The following CDC42BPA variants were observed in gnomAD, a reference collection of about 807,000 sequenced individuals.
CDC42BPA encodes the protein CDC42 binding protein kinase alpha.
Under a neutral mutation model 223.5 loss-of-function variants are expected in CDC42BPA, and 80 were observed. The observed-to-expected ratio is 0.36, with a 90% confidence interval of 0.30 to 0.43. The LOEUF (loss-of-function observed/expected upper bound fraction) is 0.43, where lower values mean the gene tolerates loss of function less well. Among genes scored for constraint, CDC42BPA ranks in the 20% least tolerant of loss-of-function variants. CDC42BPA has a pLI of 1.00. For synonymous variants in CDC42BPA, 694 were observed against 718.6 expected (o/e 0.97, Z 0.55); for missense variants, 1,743 against 2,099.9 (o/e 0.83, Z 3.32).
At chr1:227,021,457 C>A (rs1431280307) in intron 32 of CDC42BPA, among the ~76,000 whole-genome samples, 1 of 152,120 alleles carries the variant, frequency 6.6e-6, no homozygotes, top group Non-Finnish European at 1.5e-5. Context: ...TTTCTTAAGT[C>A]ATAATGGAGT....
intron 5 of CDC42BPA, among the ~76,000 whole-genome samples, chr1:227,187,171 C>T (rs10753430): frequency 0.51 from 77,941 of 151,914 alleles, 20,085 homozygotes; most frequent in South Asian, 0.61. Context: ...ATACTAAAAA[C>T]GGGACAGAGA....
At chr1:227,196,495 A>T (rs1205008454) in intron 4 of CDC42BPA, among the ~76,000 whole-genome samples, 2 of 151,150 alleles carry the variant, frequency 1.3e-5, no homozygotes, top group Non-Finnish European at 2.9e-5. Context: ...GCCCACCACC[A>T]CACCCGGCTA....
intron 1 of CDC42BPA, among the ~76,000 whole-genome samples, chr1:227,299,455 T>C (rs1020851595): frequency 6.6e-6 from 1 of 152,118 alleles, no homozygotes; most frequent in Non-Finnish European, 1.5e-5. Context: ...GGTTTACATG[T>C]TTTTTAGTAA....
chr1:227,093,648 G>C (rs1683477904), intron 15 of CDC42BPA, among the ~76,000 whole-genome samples: 1 of 152,150 alleles, frequency 6.6e-6, no homozygotes, highest in Non-Finnish European at 1.5e-5. Context: ...CTGCAAACCA[G>C]TGAGAACTCC....
chr1:227,190,010 A>T (rs1241520391), intron 5 of CDC42BPA, among the ~76,000 whole-genome samples: 6 of 152,234 alleles, frequency 3.9e-5, no homozygotes, highest in Admixed American at 6.5e-5. Context: ...AGTCTGTGAC[A>T]TTCAAGAGTT....
At chr1:227,203,168 T>C (rs1243611639) in intron 3 of CDC42BPA, among the ~76,000 whole-genome samples, 1 of 152,158 alleles carries the variant, frequency 6.6e-6, no homozygotes, top group African/African-American at 2.4e-5. Context: ...CCAGACAGCA[T>C]ATGATTTTAT....
At chr1:227,026,442 C>T (rs532679145) in intron 30 of CDC42BPA, among the ~76,000 whole-genome samples, 1 of 152,224 alleles carries the variant, frequency 6.6e-6, no homozygotes, top group East Asian at 1.9e-4. Context: ...AAAGGAATTT[C>T]ATTATATTTG....
At position 227,193,879 on chromosome 1, in the gene CDC42BPA, A is replaced by G. The variant is rs1395207685; in HGVS notation, c.506T>C (p.Phe169Ser). The G allele has an allele frequency of 6.2e-7, 1 of 1,613,488 alleles. No individual in the cohort carries two copies. The highest frequency in any genetic ancestry group is 2.2e-5 in the East Asian group (1 of 44,830). Residue 169 changes from phenylalanine (F) to serine (S), a missense_variant, in exon 5 of 37, where the codon TTT (phenylalanine) becomes TCT (serine). By Grantham distance (155) the Phe-to-Ser change is radical. Coordinates refer to ENST00000366766, the MANE Select transcript of CDC42BPA (RefSeq NM_001394014.1). ...CATATCTTCAGGCAATCTATCTTCA[A>G]ATTTGCTGAGTAGAGTAAGCAAATC... is the stretch of plus-strand genomic sequence containing the variant. The part of the protein sequence containing the change: ...GGDLLTLLSK[F>S]EDRLPEDMAR...
At chr1:227,157,955 C>CTTTTTTTTTTTTTTTTT (rs59212512) in intron 6 of CDC42BPA, among the ~76,000 whole-genome samples, 1 of 144,962 alleles carries the variant, frequency 6.9e-6, no homozygotes. Flanking sequence ...ATTTTTATAA[C>CTTTTTTTTTTTTTTTTT]TTTTTTTTTT....
At chr1:227,292,999 G>A (rs541426746) in intron 1 of CDC42BPA, among the ~76,000 whole-genome samples, 1 of 152,138 alleles carries the variant, frequency 6.6e-6, no homozygotes, top group East Asian at 1.9e-4. Context: ...ATCTAAAGTT[G>A]GAGTTTTAGA....
At chr1:227,034,506 T>C in intron 26 of CDC42BPA, 149 bp downstream of exon 26, 2 of 719,386 alleles carry the variant, frequency 2.8e-6, no homozygotes, top group Non-Finnish European at 2.2e-6. Flanking sequence ...CTTCCTATTT[T>C]CAATTCTGTT....
chr1:227,286,485 G>A lies in CDC42BPA; in HGVS notation c.178+30520C>T, dbSNP rs183323184. Among the ~76,000 whole-genome samples the A allele has an allele frequency of 1.9e-3, 292 of 152,256 alleles. 3 individuals carry two copies. The highest frequency in any genetic ancestry group is 6.1e-3 in the African/African-American group (255 of 41,548). On this transcript the variant is annotated intron_variant, in intron 1 of 36. Coordinates refer to ENST00000366766, the MANE Select transcript of CDC42BPA (RefSeq NM_001394014.1). Reference sequence around the variant, plus strand: ...GGCTTTGTTGTCCATTCTTCTATCAGCATTTTTATCAGAGCCACTTAATCA... The same window carrying A: ...GGCTTTGTTGTCCATTCTTCTATCAACATTTTTATCAGAGCCACTTAATCA...
chr1:227,275,978 T>C (rs1029665394), intron 1 of CDC42BPA, among the ~76,000 whole-genome samples: 8 of 140,074 alleles, frequency 5.7e-5, no homozygotes, highest in African/African-American at 1.0e-4. Context: ...GCCACCTGCC[T>C]TGGCCTCCCA....
chr1:227,256,070 AC>A (rs1465713528), intron 1 of CDC42BPA, among the ~76,000 whole-genome samples: 2 of 152,236 alleles, frequency 1.3e-5, no homozygotes, highest in Non-Finnish European at 2.9e-5. Flanking sequence ...CAAGTCAACA[AC>A]AAAAAACCCC....
At chr1:227,216,112 TTCTC>T (rs199585100) in intron 2 of CDC42BPA, among the ~76,000 whole-genome samples, 2 of 141,798 alleles carry the variant, frequency 1.4e-5, no homozygotes, top group Non-Finnish European at 3.1e-5. Flanking sequence ...CTGTGACTTT[TTCTC>T]TCTCTATATA....
In CDC42BPA at chr1:226,996,814, T is replaced by C. The variant is rs184296544; in HGVS notation, c.4976-1834A>G. ...TTGCATCTCAGGGATGAAGCCGACT[T>C]GATCGTGGTGGATAAGCTTTTTGAT... is the stretch of plus-strand genomic sequence containing the variant. On this transcript the variant is annotated intron_variant, in intron 35 of 36. Coordinates refer to ENST00000366766, the MANE Select transcript of CDC42BPA (RefSeq NM_001394014.1). Among the ~76,000 whole-genome samples, 292 of 152,342 alleles carry C rather than the reference T, an allele frequency of 1.9e-3. 1 individual carries two copies. The highest frequency in any genetic ancestry group is 6.9e-3 in the African/African-American group (286 of 41,580).
intron 16 of CDC42BPA, among the ~76,000 whole-genome samples, chr1:227,081,956 T>C (rs1172653223): frequency 6.6e-6 from 1 of 152,182 alleles, no homozygotes; most frequent in African/African-American, 2.4e-5. Flanking sequence ...AGTTTCCAGT[T>C]ACTTCAACAT....
chr1:227,179,256 A>C (rs902067066), intron 5 of CDC42BPA, among the ~76,000 whole-genome samples: 5 of 152,180 alleles, frequency 3.3e-5, no homozygotes, highest in Admixed American at 6.5e-5. Context: ...AATAGATCAT[A>C]GTAATGGTTG....
intron 1 of CDC42BPA, among the ~76,000 whole-genome samples, chr1:227,291,398 A>C (rs1331365822): frequency 1.3e-5 from 2 of 152,000 alleles, no homozygotes; most frequent in East Asian, 3.9e-4. Flanking sequence ...AAAATACAAA[A>C]ATTACCCAGG....
Sources: allele counts gnomAD v4.1 joint callset (sites outside exome capture counted in the v4.1 genomes callset), GRCh38; gene constraint gnomAD v4.1.1; transcripts MANE v1.5; gene names NCBI Gene and HGNC (gene_info 2026-07-23, HGNC 2026-07-21).